TMEM209: variants seen among roughly 807,000 people sequenced by gnomAD.
The protein encoded by TMEM209 is testicular tissue protein Li 202.
TMEM209 carries 65 observed loss-of-function variants against 76.2 expected under a neutral mutation model. That is an observed-to-expected ratio of 0.85 (90% CI 0.70 to 1.05). TMEM209 has a LOEUF of 1.05. Ranked by LOEUF, TMEM209 falls within the 50% of genes least tolerant of loss-of-function variation. The probability of loss-of-function intolerance (pLI) is 0.00; values close to 1 mark genes in which losing one functional copy is unlikely to be tolerated. For synonymous variants in TMEM209, 239 were observed against 237.6 expected, an observed-to-expected ratio of 1.01 and a Z score of -0.06; for missense variants, 623 against 685.5, an observed-to-expected ratio of 0.91 and a Z score of 1.02.
intron 6 of TMEM209, among the ~76,000 whole-genome samples, chr7:130,188,570 G>A (rs78128168): frequency 1.4e-5 from 2 of 145,274 alleles, no homozygotes; most frequent in South Asian, 2.2e-4. Flanking sequence ...CACTCCAGCC[G>A]GGGTGACAGA....
intron 14 of TMEM209, among the ~76,000 whole-genome samples, chr7:130,169,721 G>A (rs984834447): frequency 2.0e-5 from 3 of 151,712 alleles, no homozygotes; most frequent in Non-Finnish European, 4.4e-5. Context: ...AATCCCTTCT[G>A]CTCCAAGCCC....
rs541423480 is a variant in TMEM209, at chr7:130,202,677, AT to A, written c.200-15del. On this transcript the variant is annotated splice_polypyrimidine_tract_variant and intron_variant, in intron 3 of 14. Coordinates refer to ENST00000397622, the MANE Select transcript of TMEM209 (RefSeq NM_032842.4). ...CAAGGGCAAGCTCTGGAAGAGAACAATTTTTTTTTAATAAGGGGGGTGAGGA... is the reference window on the plus strand; with the variant it reads ...CAAGGGCAAGCTCTGGAAGAGAACAATTTTTTTTAATAAGGGGGGTGAGGA... The A allele has an allele frequency of 9.0e-5, 144 of 1,597,396 alleles. No homozygotes were observed. The highest frequency in any genetic ancestry group is 2.6e-4 in the South Asian group (23 of 88,738).
Position 130,185,327 on chromosome 7 carries a change from G to T in TMEM209, c.816C>A (p.Phe272Leu). ...DSTSPSSSPT[F>L]WNYSRSMGDY... ...CCCCCATAGAACGACTATAGTTCCA[G>T]AAAGTAGGACTGCTGGAAGGAGAGG... Residue 272 changes from phenylalanine (F) to leucine (L), a missense_variant, in exon 7 of 15, where the codon TTC becomes TTA. Physicochemically the swap from Phe to Leu is conservative, Grantham distance 22 (BLOSUM62 0). Coordinates refer to ENST00000397622, the MANE Select transcript of TMEM209 (RefSeq NM_032842.4). 6.2e-7 allele frequency: 1 copy of T among 1,613,932 alleles called. No individual in the cohort carries two copies. The highest frequency in any genetic ancestry group is 8.5e-7 in the Non-Finnish European group (1 of 1,179,860).
chr7:130,204,633 C>T (rs951163707), intron 1 of TMEM209, among the ~76,000 whole-genome samples: 3 of 152,226 alleles, frequency 2.0e-5, no homozygotes, highest in African/African-American at 7.2e-5. Context: ...AGCCACCGCG[C>T]CCAGCCGTGG....
chr7:130,180,915 G>A (rs1445674919), intron 9 of TMEM209, among the ~76,000 whole-genome samples: 3 of 152,160 alleles, frequency 2.0e-5, no homozygotes, highest in African/African-American at 7.2e-5. Flanking sequence ...TGCCTCAAAA[G>A]GTTAGTCAGA....
intron 6 of TMEM209, among the ~76,000 whole-genome samples, chr7:130,187,525 T>C (rs550916711): frequency 6.1e-4 from 93 of 151,798 alleles, no homozygotes; most frequent in African/African-American, 1.9e-3. Flanking sequence ...CTCCTACCCC[T>C]AGTCCCTGGT....
chr7:130,167,630 A>G (rs1333420154), intron 14 of TMEM209, among the ~76,000 whole-genome samples: 4 of 152,140 alleles, frequency 2.6e-5, no homozygotes, highest in Non-Finnish European at 5.9e-5. Flanking sequence ...TTAACTTTAA[A>G]CTTTACAGTG....
intron 12 of TMEM209, 35 bp downstream of exon 12, chr7:130,173,778 TATTTTGTGTGAA>T: frequency 1.9e-6 from 3 of 1,606,074 alleles, no homozygotes; most frequent in Non-Finnish European, 2.6e-6. Context: ...CCCCCAGAGA[TATTTTGTGTGAA>T]AATCTCAACA....
intron 5 of TMEM209, among the ~76,000 whole-genome samples, chr7:130,198,781 T>C (rs1283328885): frequency 6.6e-6 from 1 of 152,226 alleles, no homozygotes; most frequent in Non-Finnish European, 1.5e-5. Flanking sequence ...AGTGGTGTTT[T>C]TCAAACCTTT....
chr7:130,202,499 T>C (rs1313311561), intron 4 of TMEM209, 33 bp downstream of exon 4: 18 of 1,574,536 alleles, frequency 1.1e-5, no homozygotes, highest in Non-Finnish European at 1.5e-5. Flanking sequence ...GCCAACCTTT[T>C]CCCCACCTTT....
chr7:130,186,076 T>C (rs1378897375), intron 6 of TMEM209, among the ~76,000 whole-genome samples: 2 of 152,176 alleles, frequency 1.3e-5, no homozygotes, highest in Non-Finnish European at 2.9e-5. Flanking sequence ...CCCTAGCATC[T>C]AGCATAGCGC....
intron 6 of TMEM209, among the ~76,000 whole-genome samples, chr7:130,191,709 T>A (rs1797802153): frequency 6.6e-6 from 1 of 152,166 alleles, no homozygotes; most frequent in African/African-American, 2.4e-5. Flanking sequence ...TAATATTACT[T>A]CTAAATAGCT....
chr7:130,173,054 TTA>T (rs1388799927), intron 13 of TMEM209, among the ~76,000 whole-genome samples: 2 of 138,892 alleles, frequency 1.4e-5, no homozygotes, highest in Non-Finnish European at 3.1e-5. Context: ...GTATGGAAAA[TTA>T]TGTTATAAAG....
chr7:130,179,371 C>A (rs1797339447), intron 9 of TMEM209, among the ~76,000 whole-genome samples: 1 of 152,052 alleles, frequency 6.6e-6, no homozygotes, highest in Non-Finnish European at 1.5e-5. Context: ...TCGATTTTGG[C>A]AAATCTATAA....
chr7:130,180,747 T>C (rs1797384687), intron 9 of TMEM209, among the ~76,000 whole-genome samples: 1 of 152,198 alleles, frequency 6.6e-6, no homozygotes, highest in Admixed American at 6.5e-5. Flanking sequence ...ATCATGGAAA[T>C]GCAAATCAAA....
At chr7:130,173,178 T>G (rs1797129465) in intron 13 of TMEM209, among the ~76,000 whole-genome samples, 1 of 151,952 alleles carries the variant, frequency 6.6e-6, no homozygotes, top group Non-Finnish European at 1.5e-5. Flanking sequence ...AGACTCTGTC[T>G]CTACAAAAAA....
intron 5 of TMEM209, among the ~76,000 whole-genome samples, chr7:130,198,732 A>G (rs1479757448): frequency 6.6e-6 from 1 of 152,214 alleles, no homozygotes; most frequent in East Asian, 1.9e-4. Flanking sequence ...CCTAATTTTA[A>G]TTTAACCTAA....
At chr7:130,179,044 T>G (rs187900533) in intron 9 of TMEM209, among the ~76,000 whole-genome samples, 5 of 152,246 alleles carry the variant, frequency 3.3e-5, no homozygotes, top group Admixed American at 3.3e-4. Context: ...AACGCTGGAC[T>G]CCCCAAGTGT....
chr7:130,195,819 G>A (rs1229396962), intron 5 of TMEM209, among the ~76,000 whole-genome samples: 1 of 151,982 alleles, frequency 6.6e-6, no homozygotes, highest in Admixed American at 6.6e-5. Context: ...CATCTTTTCT[G>A]CATTTGGTAA....
Sources: allele counts gnomAD v4.1 joint callset (sites outside exome capture counted in the v4.1 genomes callset), GRCh38; gene constraint gnomAD v4.1.1; transcripts MANE v1.5; gene names NCBI Gene and HGNC (gene_info 2026-07-23, HGNC 2026-07-21).